MALRD1: variants seen among roughly 807,000 people sequenced by gnomAD.
The protein encoded by MALRD1 is MAM and LDL receptor class A domain containing 1.
A neutral mutation model predicts 242.1 loss-of-function variants in MALRD1; 247 were observed. That is an observed-to-expected ratio of 1.02 (90% CI 0.92 to 1.13). MALRD1 has a LOEUF of 1.13. Ranked by LOEUF, MALRD1 falls within the 50% of genes most tolerant of loss-of-function variation. The probability of loss-of-function intolerance (pLI) is 0.00; values close to 1 mark genes in which losing one functional copy is unlikely to be tolerated. For missense variants in MALRD1, 2,989 were observed against 2,533.1 expected (o/e 1.18, Z -3.86); for synonymous variants, 995 against 866.6 (o/e 1.15, Z -2.60).
intron 32 of MALRD1, among the ~76,000 whole-genome samples, chr10:19,558,522 T>C (rs1196204123): frequency 6.6e-6 from 1 of 152,236 alleles, no homozygotes; most frequent in East Asian, 1.9e-4. Context: ...AGCTTGTTGA[T>C]ATGATGGATT....
At chr10:19,458,731 T>C (rs1835788117) in intron 29 of MALRD1, among the ~76,000 whole-genome samples, 1 of 152,136 alleles carries the variant, frequency 6.6e-6, no homozygotes, top group Non-Finnish European at 1.5e-5. Flanking sequence ...TTTTCATCGT[T>C]ACAGATTTAT....
chr10:19,640,240 C>A (rs1840322061), intron 36 of MALRD1, among the ~76,000 whole-genome samples: 1 of 152,140 alleles, frequency 6.6e-6, no homozygotes, highest in African/African-American at 2.4e-5. Context: ...CAGGTGTGCA[C>A]CACCACACCC....
chr10:19,695,378 T>C (rs1833327999), intron 38 of MALRD1, among the ~76,000 whole-genome samples: 1 of 152,134 alleles, frequency 6.6e-6, no homozygotes, highest in Admixed American at 6.6e-5. Context: ...ATTAGCCTTT[T>C]CTCACACTGC....
chr10:19,267,782 G>C (rs1840029329), intron 19 of MALRD1, among the ~76,000 whole-genome samples: 1 of 151,678 alleles, frequency 6.6e-6, no homozygotes, highest in Admixed American at 6.6e-5. Context: ...CCAGATTATT[G>C]GAAAGTTTTG....
rs148655220 is a variant in MALRD1 at position 19,697,489 on chromosome 10, C to A, written c.6314+4935C>A. Among the ~76,000 whole-genome samples the A allele has an allele frequency of 2.6e-5, 4 of 151,950 alleles. No individual in the cohort carries two copies. In the East Asian group the frequency reaches 5.8e-4, roughly 22 times the overall value. On this transcript the variant is annotated intron_variant, in intron 38 of 39. Coordinates refer to ENST00000454679, the MANE Select transcript of MALRD1 (RefSeq NM_001142308.3). ...AACTACCTCCACAGCAACCTCTAGA[C>A]TAGTGTCTGACCAAACAATCGGGCA...
chr10:19,559,609 G>A (rs1264814968), intron 32 of MALRD1, among the ~76,000 whole-genome samples: 2 of 152,038 alleles, frequency 1.3e-5, no homozygotes, highest in Non-Finnish European at 2.9e-5. Context: ...AACACCAAAA[G>A]CAATGGCAAC....
chr10:19,521,701 A>G (rs554657155), intron 31 of MALRD1, among the ~76,000 whole-genome samples: 27 of 152,246 alleles, frequency 1.8e-4, no homozygotes, highest in Non-Finnish European at 2.9e-4. Context: ...AAATTGTAAC[A>G]ACCTGATTCT....
At chr10:19,709,912 G>A (rs1008403908) in intron 38 of MALRD1, among the ~76,000 whole-genome samples, 1 of 152,208 alleles carries the variant, frequency 6.6e-6, no homozygotes, top group African/African-American at 2.4e-5. Context: ...CCTCTGGAAA[G>A]TAGGGACAGT....
At chr10:19,121,126 C>T (rs11593025) in intron 5 of MALRD1, among the ~76,000 whole-genome samples, 36,998 of 148,580 alleles carry the variant, frequency 0.25, 4,940 homozygotes, top group East Asian at 0.53. Flanking sequence ...TCACTGCAAC[C>T]TCCGCCTCCT....
chr10:19,338,284 A>C (rs1311510990), intron 24 of MALRD1, among the ~76,000 whole-genome samples: 1 of 152,112 alleles, frequency 6.6e-6, no homozygotes, highest in Non-Finnish European at 1.5e-5. Flanking sequence ...GTATCCTTAC[A>C]GAGTCGTTTC....
chr10:19,604,415 C>T (rs1403599934), intron 34 of MALRD1, among the ~76,000 whole-genome samples: 1 of 152,110 alleles, frequency 6.6e-6, no homozygotes, highest in Admixed American at 6.6e-5. Flanking sequence ...TAATCTATGG[C>T]AAAGTTCTAA....
Position 19,607,846 on chromosome 10 carries a change from G to A in MALRD1, c.6014G>A (p.Arg2005His), listed in dbSNP as rs73595860. Residue 2005 changes from arginine to histidine, a missense_variant, in exon 35 of 40, where the codon CGC becomes CAC. Physicochemically the swap from Arg to His is conservative, Grantham distance 29 (BLOSUM62 0). Transcript: ENST00000454679. ...AACAGCTGTATCCCAGCCCACCAGC[G>A]CTGTGATGGTTTTGCCGACTGCATG... is the stretch of plus-strand genomic sequence containing the variant. ...SSNSCIPAHQ[R>H]CDGFADCMDF... The A allele has an allele frequency of 1.3e-3, 2,020 of 1,549,630 alleles. 22 individuals carry two copies. The African/African-American group carries it at 0.025, about 19-fold the overall frequency.
At chr10:19,166,537 A>G (rs552390807) in intron 13 of MALRD1, among the ~76,000 whole-genome samples, 3 of 152,320 alleles carry the variant, frequency 2.0e-5, no homozygotes, top group African/African-American at 7.2e-5. Context: ...CAATTATAAC[A>G]AGTTATTGTG....
intron 38 of MALRD1, among the ~76,000 whole-genome samples, chr10:19,694,549 C>G (rs745762908): frequency 6.6e-6 from 1 of 152,080 alleles, no homozygotes; most frequent in Non-Finnish European, 1.5e-5. Flanking sequence ...GTTAGAATGG[C>G]GATCATTAAA....
At chr10:19,481,632 T>A (rs1208443634) in intron 29 of MALRD1, among the ~76,000 whole-genome samples, 1 of 152,142 alleles carries the variant, frequency 6.6e-6, no homozygotes, top group East Asian at 1.9e-4. Flanking sequence ...AATATGAATC[T>A]TCTAGTCATA....
At chr10:19,198,046 T>G (rs1050723838) in intron 14 of MALRD1, among the ~76,000 whole-genome samples, 2 of 152,214 alleles carry the variant, frequency 1.3e-5, no homozygotes, top group Non-Finnish European at 2.9e-5. Flanking sequence ...TTTTTCTTTT[T>G]TTGAGACGGA....
At chr10:19,061,129 G>T (rs116326424) in intron 1 of MALRD1, among the ~76,000 whole-genome samples, 185 of 152,290 alleles carry the variant, frequency 1.2e-3, no homozygotes, top group African/African-American at 4.1e-3. Flanking sequence ...AGGGTGGCGG[G>T]TCATCAGGAG....
At chr10:19,686,918 A>C (rs529112054) in intron 36 of MALRD1, among the ~76,000 whole-genome samples, 1 of 152,272 alleles carries the variant, frequency 6.6e-6, no homozygotes, top group South Asian at 2.1e-4. Flanking sequence ...ACACAAAAGA[A>C]GTGGTAAAAT....
chr10:19,176,794 A>C (rs1345702796), intron 14 of MALRD1, among the ~76,000 whole-genome samples: 2 of 151,108 alleles, frequency 1.3e-5, no homozygotes, highest in East Asian at 2.0e-4. Context: ...GTGTGTGTGC[A>C]TGTGTGCGCG....
Sources: allele counts gnomAD v4.1 joint callset (sites outside exome capture counted in the v4.1 genomes callset), GRCh38; gene constraint gnomAD v4.1.1; transcripts MANE v1.5; gene names NCBI Gene and HGNC (gene_info 2026-07-23, HGNC 2026-07-21).